The following AKAP7 variants were observed in gnomAD, a reference collection of about 807,000 sequenced individuals.
AKAP7 encodes A-kinase anchoring protein 7, also known as A kinase (PRKA) anchor protein 7.
A neutral mutation model predicts 39.5 loss-of-function variants in AKAP7; 39 were observed. The ratio of observed to expected loss-of-function variants is 0.99; its 90% CI spans 0.76 to 1.29. The LOEUF (loss-of-function observed/expected upper bound fraction) is 1.29. Among genes scored for constraint, AKAP7 ranks in the 50% most tolerant of loss-of-function variants. The pLI is 0.00. For synonymous variants in AKAP7, 140 were observed against 139.1 expected, an observed-to-expected ratio of 1.01 and a Z score of -0.05; for missense variants, 414 against 407.7, an observed-to-expected ratio of 1.02 and a Z score of -0.13.
In AKAP7 at chr6:131,135,818, C is replaced by A. The variant is rs929461190; in HGVS notation, c.19+36C>A. 3.3e-6 allele frequency: 4 copies of A among 1,226,812 alleles called. No homozygotes were observed. The African/African-American group carries it at 4.7e-5, about 14-fold the overall frequency. The allele number at this position is 1,226,812 out of a possible 1,614,324, so 76.0% of individuals were successfully genotyped here. On this transcript the variant is annotated intron_variant, in intron 1 of 7. Transcript: ENST00000431975. ...GCTGTCCAGCGGGCCGGGGCGGGGGCGACAGGAGCCGCGGGGGCCTGGGCC... is the reference window on the plus strand; with the variant it reads ...GCTGTCCAGCGGGCCGGGGCGGGGGAGACAGGAGCCGCGGGGGCCTGGGCC...
At chr6:131,251,140 G>A (rs1812414773) in intron 7 of AKAP7, among the ~76,000 whole-genome samples, 1 of 152,192 alleles carries the variant, frequency 6.6e-6, no homozygotes, top group Non-Finnish European at 1.5e-5. Flanking sequence ...CTCTAAACAA[G>A]TGATGCCGCT....
chr6:131,233,413 A>T (rs4897505), intron 7 of AKAP7, among the ~76,000 whole-genome samples: 84,313 of 152,016 alleles, frequency 0.55, 24,477 homozygotes, highest in African/African-American at 0.73. Flanking sequence ...TTACCCCATC[A>T]ATAAAATGGG....
chr6:131,131,205 A>C (rs1800320775), upstream of AKAP7, among the ~76,000 whole-genome samples: 1 of 152,202 alleles, frequency 6.6e-6, no homozygotes, highest in African/African-American at 2.4e-5. Context: ...CCCTCCAGAA[A>C]GTATTCTAAG....
chr6:131,130,084 C>T, the AKAP7 span, among the ~76,000 whole-genome samples: 1 of 152,196 alleles, frequency 6.6e-6, no homozygotes, highest in African/African-American at 2.4e-5. Context: ...AGAAATGGGT[C>T]ATGTTTCAGG....
chr6:131,231,166 AC>A (rs1810592483), intron 7 of AKAP7, among the ~76,000 whole-genome samples: 2 of 152,066 alleles, frequency 1.3e-5, no homozygotes, highest in Admixed American at 6.6e-5. Flanking sequence ...TGGTTTGATA[AC>A]TCTCTAATTT....
Position 131,272,563 on chromosome 6 carries a change from G to A in AKAP7, c.851-8967G>A, listed in dbSNP as rs565221768. On this transcript the variant is annotated intron_variant, in intron 7 of 7. Transcript: ENST00000431975. Reference sequence around the variant, plus strand: ...TTTGATATGTTTTGTTTTAATTTACGTTCAGTTAAAGGTATTTTCTAATTC... The same window carrying A: ...TTTGATATGTTTTGTTTTAATTTACATTCAGTTAAAGGTATTTTCTAATTC... 7.2e-5 allele frequency among the ~76,000 whole-genome samples: 11 copies of A among 152,060 alleles called. No homozygotes were observed. The East Asian group carries it at 9.6e-4, about 13-fold the overall frequency.
At chr6:131,147,742 C>T (rs1309673945) in intron 2 of AKAP7, among the ~76,000 whole-genome samples, 3 of 152,192 alleles carry the variant, frequency 2.0e-5, no homozygotes, top group Non-Finnish European at 2.9e-5. Context: ...CCTCACTCAC[C>T]CGCGTTCTCC....
intron 1 of AKAP7, chr6:131,136,701 T>C (rs1800572668): frequency 4.9e-6 from 1 of 202,384 alleles, no homozygotes; most frequent in African/African-American, 2.4e-5. Context: ...TTCATCCATT[T>C]TCGGACACTA....
At chr6:131,239,206 T>C (rs751260349) in intron 7 of AKAP7, among the ~76,000 whole-genome samples, 8 of 152,208 alleles carry the variant, frequency 5.3e-5, no homozygotes, top group Admixed American at 3.3e-4. Flanking sequence ...GGTTGAAAAT[T>C]CTTTCATTTA....
chr6:131,159,560 A>G (rs925018569), intron 2 of AKAP7, among the ~76,000 whole-genome samples: 8 of 152,374 alleles, frequency 5.3e-5, no homozygotes, highest in African/African-American at 1.4e-4. Context: ...GGAAGTTTCC[A>G]AAGCATTCTC....
intron 2 of AKAP7, among the ~76,000 whole-genome samples, chr6:131,150,555 G>A (rs2128230444): frequency 6.6e-6 from 1 of 152,236 alleles, no homozygotes; most frequent in African/African-American, 2.4e-5. Context: ...TTATGAAAGA[G>A]GTTAAGGCAA....
Position 131,281,810 on chromosome 6 carries a change from G to GT in AKAP7, c.*87dup. Reference sequence around the variant, plus strand: ...TCTAGGGACTGACTTGCAGCGTGCTGTTTAAGTTAAGTTTCTCTGGTGCAA... The same window carrying GT: ...TCTAGGGACTGACTTGCAGCGTGCTGTTTTAAGTTAAGTTTCTCTGGTGCAA... On this transcript the variant is annotated 3_prime_UTR_variant, in exon 8 of 8. Coordinates refer to ENST00000431975, the MANE Select transcript of AKAP7 (RefSeq NM_016377.4). The surrounding 1 kb of genome is among the most constrained non-coding windows in gnomAD (Gnocchi z 4.0). The GT allele has an allele frequency of 7.3e-7, 1 of 1,368,684 alleles. No homozygotes were observed. Among genetic ancestry groups the GT allele is most frequent in the Non-Finnish European group, 9.5e-7 (1 of 1,055,174 alleles). 84.8% of individuals were successfully genotyped at this position (1,368,684 alleles called of 1,614,324 possible).
intron 5 of AKAP7, chr6:131,185,374 G>A: frequency 1.9e-6 from 1 of 531,482 alleles, no homozygotes; most frequent in Non-Finnish European, 3.6e-6. Context: ...AGAAAGGCAG[G>A]CACATGCTGT....
At chr6:131,270,595 A>T (rs1302931906) in intron 7 of AKAP7, among the ~76,000 whole-genome samples, 1 of 152,194 alleles carries the variant, frequency 6.6e-6, no homozygotes, top group East Asian at 1.9e-4. Context: ...CTAGAAGTAG[A>T]TTAATGGGTT....
chr6:131,258,207 T>G (rs1813019335), intron 7 of AKAP7, among the ~76,000 whole-genome samples: 1 of 152,202 alleles, frequency 6.6e-6, no homozygotes, highest in Non-Finnish European at 1.5e-5. Flanking sequence ...TTCAGAAAAC[T>G]CTGAGCCAGG....
At chr6:131,140,087 G>A (rs1181644410) in intron 1 of AKAP7, among the ~76,000 whole-genome samples, 2 of 152,118 alleles carry the variant, frequency 1.3e-5, no homozygotes, top group Non-Finnish European at 1.5e-5. Context: ...TCTTAGTCTG[G>A]TGTGAGGTCA....
chr6:131,134,491 TC>T (rs1231468588), upstream of AKAP7, among the ~76,000 whole-genome samples: 1 of 152,196 alleles, frequency 6.6e-6, no homozygotes, highest in African/African-American at 2.4e-5. Context: ...AGCTTTTATT[TC>T]CGCAGTTACT....
intron 7 of AKAP7, among the ~76,000 whole-genome samples, chr6:131,240,023 C>T (rs1811403426): frequency 6.6e-6 from 1 of 152,082 alleles, no homozygotes. Flanking sequence ...CTGTTTTTTC[C>T]CCATCTTTGT....
intron 7 of AKAP7, among the ~76,000 whole-genome samples, chr6:131,257,415 A>G (rs1220958524): frequency 6.7e-6 from 1 of 148,432 alleles, no homozygotes; most frequent in Non-Finnish European, 1.5e-5. Context: ...CTATGCTTTT[A>G]TTTCTACCTT....
Sources: gnomAD v4.1 joint callset for allele counts (sites outside exome capture counted in the v4.1 genomes callset) on GRCh38, gnomAD v4.1.1 for gene constraint, Gnocchi (gnomAD v3.1) non-coding constraint, MANE v1.5 for transcripts, NCBI Gene and HGNC (gene_info 2026-07-23, HGNC 2026-07-21) for gene names.